KCNAB1: variants seen among roughly 807,000 people sequenced by gnomAD.
KCNAB1 encodes potassium voltage-gated channel subfamily A regulatory beta subunit 1.
A neutral mutation model predicts 64.6 loss-of-function variants in KCNAB1; 35 were observed. The ratio of observed to expected loss-of-function variants is 0.54; its 90% confidence interval spans 0.41 to 0.72. KCNAB1 has a LOEUF of 0.72. KCNAB1 is among the 30% of genes least tolerant of loss of function. The pLI, the probability that KCNAB1 is intolerant of heterozygous loss-of-function variation, is 0.00. For synonymous variants in KCNAB1, 177 were observed against 183.8 expected (o/e 0.96, Z 0.30); for missense variants, 401 against 512.9 (o/e 0.78, Z 2.11).
intron 1 of KCNAB1, among the ~76,000 whole-genome samples, chr3:156,150,049 C>T (rs1038134795): frequency 2.0e-5 from 3 of 152,198 alleles, no homozygotes; most frequent in Admixed American, 2.0e-4. Flanking sequence ...TGGTAAGTCT[C>T]TGGGCCTGTG....
intron 1 of KCNAB1, among the ~76,000 whole-genome samples, chr3:156,129,043 C>T (rs376859188): frequency 6.6e-6 from 1 of 151,894 alleles, no homozygotes; most frequent in Non-Finnish European, 1.5e-5. Context: ...CTTCCCGGGG[C>T]TTTTATAGTC....
intron 1 of KCNAB1, among the ~76,000 whole-genome samples, chr3:156,355,048 T>C (rs1443933888): frequency 1.3e-5 from 2 of 152,200 alleles, no homozygotes; most frequent in African/African-American, 4.8e-5. Context: ...ATATAACACA[T>C]TTGAAATAAT....
chr3:156,391,227 T>C (rs923353024), intron 1 of KCNAB1, among the ~76,000 whole-genome samples: 3 of 152,176 alleles, frequency 2.0e-5, no homozygotes, highest in Admixed American at 6.5e-5. Flanking sequence ...TCTACTGGAG[T>C]GGCCTTGGGC....
intron 1 of KCNAB1, among the ~76,000 whole-genome samples, chr3:156,279,212 C>T (rs1317155092): frequency 2.7e-5 from 4 of 148,850 alleles, no homozygotes; most frequent in Admixed American, 6.7e-5. Context: ...TGAGAATATG[C>T]GGTGTTTGGT....
intron 2 of KCNAB1, among the ~76,000 whole-genome samples, chr3:156,428,488 T>TACACACACACACACACACACACACACAC (rs4056995): frequency 6.3e-5 from 8 of 127,488 alleles, no homozygotes; most frequent in Admixed American, 3.9e-4. Flanking sequence ...AATTCCTCTA[T>TACACACACACACACACACACACACACAC]ACACACACAC....
intron 1 of KCNAB1, among the ~76,000 whole-genome samples, chr3:156,296,757 G>C (rs1383585981): frequency 6.6e-6 from 1 of 152,108 alleles, no homozygotes; most frequent in Non-Finnish European, 1.5e-5. Flanking sequence ...ACAGGCGTGA[G>C]CCACCGTGCC....
chr3:156,173,568 C>A (rs925611022), intron 1 of KCNAB1, among the ~76,000 whole-genome samples: 1 of 152,222 alleles, frequency 6.6e-6, no homozygotes, highest in Non-Finnish European at 1.5e-5. Flanking sequence ...GAGTCTCAGT[C>A]AAGCCCCTTA....
chr3:156,481,056 G>A (rs999067860), intron 8 of KCNAB1, among the ~76,000 whole-genome samples: 1 of 152,102 alleles, frequency 6.6e-6, no homozygotes, highest in Non-Finnish European at 1.5e-5. Flanking sequence ...TCAAGGAGAT[G>A]TTGACAGGTT....
chr3:156,266,747 C>T (rs1000515286), intron 1 of KCNAB1, among the ~76,000 whole-genome samples: 44 of 152,186 alleles, frequency 2.9e-4, no homozygotes, highest in Admixed American at 2.0e-4. Flanking sequence ...ATCAGTTACA[C>T]AGTGATGTGA....
chr3:156,248,875 T>TG (rs1276472465), intron 1 of KCNAB1, among the ~76,000 whole-genome samples: 2 of 152,122 alleles, frequency 1.3e-5, no homozygotes, highest in Non-Finnish European at 2.9e-5. Context: ...ACCTTCCAGG[T>TG]GGCCGAGTGT....
At chr3:156,343,468 G>A (rs1185022629) in intron 1 of KCNAB1, among the ~76,000 whole-genome samples, 1 of 152,196 alleles carries the variant, frequency 6.6e-6, no homozygotes, top group Non-Finnish European at 1.5e-5. Context: ...ACCTGAGGTC[G>A]AGGGAGAGGG....
intron 13 of KCNAB1, among the ~76,000 whole-genome samples, chr3:156,535,780 G>T (rs1358198135): frequency 7.1e-6 from 1 of 139,936 alleles, no homozygotes; most frequent in East Asian, 2.1e-4. Context: ...GCCTGGCTTG[G>T]ATTGTAATAC....
At chr3:156,260,746 A>C (rs1363055712) in intron 1 of KCNAB1, among the ~76,000 whole-genome samples, 1 of 152,210 alleles carries the variant, frequency 6.6e-6, no homozygotes, top group Non-Finnish European at 1.5e-5. Context: ...TTATGTGGAC[A>C]CACATTTTCA....
intron 1 of KCNAB1, among the ~76,000 whole-genome samples, chr3:156,284,741 CG>C (rs894663465): frequency 3.3e-5 from 5 of 152,172 alleles, no homozygotes; most frequent in African/African-American, 9.7e-5. Context: ...CAGGTGCGTC[CG>C]TCACCCCTTT....
chr3:156,118,313 G>T (rs746721312), upstream of KCNAB1: 34 of 455,762 alleles, frequency 7.5e-5, no homozygotes, highest in South Asian at 2.2e-4. Flanking sequence ...GCACCTGCAT[G>T]TGGCTGTCCA....
intron 1 of KCNAB1, among the ~76,000 whole-genome samples, chr3:156,331,330 A>C (rs1723314129): frequency 6.6e-6 from 1 of 152,208 alleles, no homozygotes; most frequent in Non-Finnish European, 1.5e-5. Flanking sequence ...AATGGAAAAA[A>C]TCAGGGGTGG....
intron 5 of KCNAB1, among the ~76,000 whole-genome samples, chr3:156,462,992 C>T (rs1576898446): frequency 1.3e-5 from 2 of 152,156 alleles, no homozygotes; most frequent in East Asian, 3.8e-4. Flanking sequence ...TTTCATTCCC[C>T]TAGCAGTAAA....
At chr3:156,371,362 A>T (rs1317356322) in intron 1 of KCNAB1, among the ~76,000 whole-genome samples, 1 of 152,116 alleles carries the variant, frequency 6.6e-6, no homozygotes, top group African/African-American at 2.4e-5. Flanking sequence ...GGTTATTGGG[A>T]GGGTAAAGTC....
intron 1 of KCNAB1, among the ~76,000 whole-genome samples, chr3:156,178,540 A>G (rs777409063): frequency 6.6e-6 from 1 of 152,202 alleles, no homozygotes; most frequent in Non-Finnish European, 1.5e-5. Context: ...GCCCTTCTAG[A>G]GTTAATTCTC....
Sources: allele counts gnomAD v4.1 joint callset (sites outside exome capture counted in the v4.1 genomes callset), GRCh38; gene constraint gnomAD v4.1.1; transcripts MANE v1.5; gene names NCBI Gene and HGNC (gene_info 2026-07-23, HGNC 2026-07-21).